ATP2C2: variants seen among roughly 807,000 people sequenced by gnomAD.
The protein encoded by ATP2C2 is calcium-transporting ATPase type 2C member 2.
ATP2C2 carries 171 observed loss-of-function variants against 110.8 expected under a neutral mutation model. That is an observed-to-expected ratio of 1.54 (90% CI 1.36 to 1.75). ATP2C2 has a LOEUF of 1.75. Among genes scored for constraint, ATP2C2 ranks in the 40% most tolerant of loss-of-function variants. The pLI, the probability that ATP2C2 is intolerant of heterozygous loss-of-function variation, is 0.00. For synonymous variants in ATP2C2, 804 were observed against 508.4 expected, an observed-to-expected ratio of 1.58 and a Z score of -7.82; for missense variants, 1,963 against 1,235.0, an observed-to-expected ratio of 1.59 and a Z score of -8.84.
rs745815997 is a variant in ATP2C2, at chr16:84,459,257, G to A, written c.2217-13G>A. The A allele has an allele frequency of 8.7e-6, 14 of 1,613,996 alleles. No homozygotes were observed. The highest frequency in any genetic ancestry group is 4.0e-5 in the African/African-American group (3 of 74,938). On this transcript the variant is annotated splice_polypyrimidine_tract_variant and intron_variant, in intron 22 of 26. Coordinates refer to ENST00000262429, the MANE Select transcript of ATP2C2 (RefSeq NM_014861.4). ...TGGCGGGCGGCCGCTGACTGGCTGC[G>A]TGTGCCCCGCAGGAGCATCTCCGCC...
In ATP2C2 at chr16:84,420,575, C is replaced by A. The variant is rs75743984; in HGVS notation, c.625-1815C>A. Reference sequence around the variant, plus strand: ...TCTACCCCTCACCCGGGATCCCCTCCTGTTTTTAATGCCTTAGCTTACTTG... The same window carrying A: ...TCTACCCCTCACCCGGGATCCCCTCATGTTTTTAATGCCTTAGCTTACTTG... On this transcript the variant is annotated intron_variant, in intron 7 of 26. Coordinates refer to ENST00000262429, the MANE Select transcript of ATP2C2 (RefSeq NM_014861.4). Among the ~76,000 whole-genome samples the A allele has an allele frequency of 9.2e-3, 1,400 of 151,944 alleles. 31 individuals carry two copies. Among genetic ancestry groups the A allele is most frequent in the African/African-American group, 0.032 (1,327 of 41,398 alleles).
At chr16:84,434,031 C>T (rs969798531) in intron 11 of ATP2C2, among the ~76,000 whole-genome samples, 1 of 152,114 alleles carries the variant, frequency 6.6e-6, no homozygotes, top group Non-Finnish European at 1.5e-5. Context: ...GCCACTGAGT[C>T]AGAAGGTGGA....
chr16:84,410,376 C>G (rs1345335183), intron 4 of ATP2C2, among the ~76,000 whole-genome samples, 192 bp from the exon 5 acceptor site: 1 of 152,140 alleles, frequency 6.6e-6, no homozygotes, highest in Non-Finnish European at 1.5e-5. Flanking sequence ...ATGTGCACGT[C>G]TGGGTGGTAA....
intron 24 of ATP2C2, 81 bp downstream of exon 24, chr16:84,460,882 C>A: frequency 1.3e-6 from 2 of 1,490,634 alleles, no homozygotes; most frequent in Non-Finnish European, 1.8e-6. Flanking sequence ...GCCCTCCTGC[C>A]ACAGCTCACA....
intron 26 of ATP2C2, 159 bp downstream of exon 26, chr16:84,462,288 G>T (rs1237432883): frequency 3.2e-6 from 3 of 950,666 alleles, no homozygotes; most frequent in Middle Eastern, 3.4e-4. Context: ...CTCACAGGAA[G>T]GGACTCTAAC....
chr16:84,407,421 G>T (rs748111844), intron 3 of ATP2C2: 7 of 152,206 alleles, frequency 4.6e-5, no homozygotes, highest in Non-Finnish European at 8.8e-5. Context: ...AGTCCCTGAG[G>T]GGACAGGAGC....
intron 6 of ATP2C2, among the ~76,000 whole-genome samples, chr16:84,412,415 TGTGTATGTGTGTGC>T (rs1906428723): frequency 8.3e-5 from 3 of 36,180 alleles, no homozygotes; most frequent in Admixed American, 4.7e-4. Flanking sequence ...TGCATGTGTC[TGTGTATGTGTGTGC>T]GTGTGTGTAT....
intron 14 of ATP2C2, among the ~76,000 whole-genome samples, chr16:84,441,782 C>T (rs780163280): frequency 7.9e-5 from 12 of 152,136 alleles, no homozygotes; most frequent in Non-Finnish European, 1.6e-4. Flanking sequence ...ATTAGCTGGG[C>T]ATGGTGGCAC....
intron 20 of ATP2C2, among the ~76,000 whole-genome samples, chr16:84,454,266 A>G (rs1319806010): frequency 6.6e-6 from 1 of 152,186 alleles, no homozygotes; most frequent in Admixed American, 6.5e-5. Context: ...GCAGGAGCCC[A>G]ATAAAGAGCT....
At chr16:84,381,308 T>G (rs1910567740) in intron 1 of ATP2C2, among the ~76,000 whole-genome samples, 1 of 152,196 alleles carries the variant, frequency 6.6e-6, no homozygotes, top group Non-Finnish European at 1.5e-5. Context: ...ACTTCTTTTG[T>G]GGATCTTCAG....
chr16:84,379,861 C>T (rs907446173), intron 1 of ATP2C2, among the ~76,000 whole-genome samples: 4 of 152,002 alleles, frequency 2.6e-5, no homozygotes, highest in Non-Finnish European at 4.4e-5. Flanking sequence ...TGAGATAAAC[C>T]CCAGGAAGGA....
intron 1 of ATP2C2, among the ~76,000 whole-genome samples, chr16:84,377,297 A>G (rs760438999): frequency 2.0e-5 from 3 of 152,162 alleles, no homozygotes; most frequent in Admixed American, 6.5e-5. Flanking sequence ...GGAGCTTTCA[A>G]TCCAATCACC....
chr16:84,452,199 G>T lies in ATP2C2; in HGVS notation c.1831+108G>T, dbSNP rs928460905. ...CGCAAACTCGGTCAGGAGTGCTCACGCCTAGCCCTACAGGCTTAGAAAAGA... is the reference window on the plus strand; with the variant it reads ...CGCAAACTCGGTCAGGAGTGCTCACTCCTAGCCCTACAGGCTTAGAAAAGA... On this transcript the variant is annotated intron_variant, in intron 18 of 26. Coordinates refer to ENST00000262429, the MANE Select transcript of ATP2C2 (RefSeq NM_014861.4). 6 of 1,357,322 alleles carry T rather than the reference G, an allele frequency of 4.4e-6. No homozygotes were observed. In the East Asian group the frequency reaches 1.4e-4, roughly 32 times the overall value. 84.1% of individuals were successfully genotyped at this position (1,357,322 alleles called of 1,614,324 possible).
rs1289508861 is a variant in ATP2C2, at chr16:84,459,042, C to T, written c.2148-78C>T. ...CATCAATCTGGGCGAGTCACCACTG[C>T]CCCTTGCAGCAACCGATGCACTGGT... On this transcript the variant is annotated intron_variant, in intron 21 of 26. Coordinates refer to ENST00000262429, the MANE Select transcript of ATP2C2 (RefSeq NM_014861.4). 4.0e-6 allele frequency: 6 copies of T among 1,493,844 alleles called. No individual in the cohort carries two copies. In the South Asian group the frequency reaches 5.7e-5, roughly 14 times the overall value. The allele number at this position is 1,493,844 out of a possible 1,614,324, so 92.5% of individuals were successfully genotyped here.
chr16:84,387,255 C>T (rs1427310565), intron 1 of ATP2C2, among the ~76,000 whole-genome samples: 1 of 152,182 alleles, frequency 6.6e-6, no homozygotes, highest in African/African-American at 2.4e-5. Context: ...GGTGCGGTGG[C>T]TCGTGCCTGT....
Position 84,378,702 on chromosome 16 carries a change from G to A in ATP2C2, c.99+9988G>A, listed in dbSNP as rs751093263. Among the ~76,000 whole-genome samples, 80 of 152,338 alleles carry A rather than the reference G, an allele frequency of 5.3e-4. 1 individual carries two copies. Among genetic ancestry groups the A allele is most frequent in the Admixed American group, 2.5e-3 (38 of 15,302 alleles). On this transcript the variant is annotated intron_variant, in intron 1 of 26. Transcript: ENST00000262429. ...CCATAGAAAGCGCTCAGTGGTGGGG[G>A]CAGGGCCGACTACGTGATTGTCAGG...
At chr16:84,408,155 C>G (rs1368940342) in intron 3 of ATP2C2, among the ~76,000 whole-genome samples, 1 of 152,176 alleles carries the variant, frequency 6.6e-6, no homozygotes, top group Non-Finnish European at 1.5e-5. Context: ...ACCAAGAACT[C>G]AAAGGCAGGG....
chr16:84,393,308 A>G (rs530575590), intron 1 of ATP2C2, among the ~76,000 whole-genome samples: 3 of 152,314 alleles, frequency 2.0e-5, no homozygotes, highest in Admixed American at 2.0e-4. Context: ...GGGGGTGCCC[A>G]GGTAAGCATC....
chr16:84,415,851 T>A (rs927321771), intron 7 of ATP2C2, among the ~76,000 whole-genome samples: 6 of 152,216 alleles, frequency 3.9e-5, no homozygotes, highest in Non-Finnish European at 8.8e-5. Context: ...TAAAGCAGGC[T>A]GCAATAACAA....
Sources: gnomAD v4.1 joint callset for allele counts (sites outside exome capture counted in the v4.1 genomes callset) on GRCh38, gnomAD v4.1.1 for gene constraint, MANE v1.5 for transcripts, NCBI Gene and HGNC (gene_info 2026-07-23, HGNC 2026-07-21) for gene names.